PTCD2: variants seen among roughly 807,000 people sequenced by gnomAD.
PTCD2 encodes pentatricopeptide repeat domain 2, also known as pentatricopeptide repeat-containing protein 2, mitochondrial.
In PTCD2, 31 loss-of-function variants were observed where a neutral mutation model predicts 42.6. That is an observed-to-expected ratio of 0.73 (90% CI 0.55 to 0.98). The LOEUF is 0.98. PTCD2 is among the 50% of genes least tolerant of loss of function. PTCD2 has a pLI of 0.00. For missense variants in PTCD2, 476 were observed against 454.8 expected (o/e 1.05, Z -0.42); for synonymous variants, 183 against 170.9 (o/e 1.07, Z -0.55).
chr5:72,326,741 G>A lies in PTCD2; in HGVS notation c.350G>A (p.Arg117Lys). 19 of 1,613,562 alleles carry A rather than the reference G, an allele frequency of 1.2e-5. No individual in the cohort carries two copies. Among genetic ancestry groups the A allele is most frequent in the Non-Finnish European group, 1.5e-5 (18 of 1,179,654 alleles). Residue 117 changes from arginine to lysine, a missense_variant and splice_region_variant, in exon 3 of 10, where the codon AGG becomes AAG. By Grantham distance (26) the Arg-to-Lys change is conservative. Transcript: ENST00000380639. ...HVELAKNVIY[R>K]YHAENKNFTL... is the part of the protein sequence containing the mutation. ...GAACTGGCTAAAAATGTCATTTACA[G>A]GTGAGGCATTTCCTTAGAATGTTGC...
chr5:72,346,872 A>G (rs1392762873), intron 8 of PTCD2, among the ~76,000 whole-genome samples: 1 of 152,208 alleles, frequency 6.6e-6, no homozygotes, highest in African/African-American at 2.4e-5. Flanking sequence ...ATCAGGAAGG[A>G]AAGAAAGGAG....
chr5:72,344,544 C>A (rs1464944991), intron 8 of PTCD2, among the ~76,000 whole-genome samples: 2 of 152,026 alleles, frequency 1.3e-5, no homozygotes, highest in Non-Finnish European at 2.9e-5. Context: ...GAATTGTAAC[C>A]ACCTCTTACT....
At position 72,362,198 on chromosome 5, in the gene PTCD2, C is replaced by T. The variant is rs1753111744; in HGVS notation, c.*3771C>T. The T allele has an allele frequency of 6.6e-6, 1 of 152,208 alleles. No homozygotes were observed. Among genetic ancestry groups the T allele is most frequent in the South Asian group, 2.1e-4 (1 of 4,828 alleles). 9.4% of individuals were successfully genotyped at this position (152,208 alleles called of 1,614,324 possible). ...TCCCCCCAAACTCATATGTTGAACT[C>T]CAAATCCCCAAGGTGTTGGTATTAG... On this transcript the variant is annotated 3_prime_UTR_variant, in exon 10 of 10. Coordinates refer to ENST00000380639, the MANE Select transcript of PTCD2 (RefSeq NM_024754.5).
intron 8 of PTCD2, among the ~76,000 whole-genome samples, chr5:72,347,553 G>A (rs529231687): frequency 3.3e-5 from 5 of 152,260 alleles, no homozygotes; most frequent in Admixed American, 2.0e-4. Flanking sequence ...GAACGTGGTG[G>A]TGTGTGCCTG....
chr5:72,323,993 T>C (rs1475407275), intron 2 of PTCD2, among the ~76,000 whole-genome samples: 2 of 152,150 alleles, frequency 1.3e-5, no homozygotes, highest in Non-Finnish European at 2.9e-5. Context: ...CAATGTTCTC[T>C]CGCTGCTCCG....
rs1753093296 is a variant in PTCD2 at position 72,361,482 on chromosome 5, C to G, written c.*3055C>G. 1 of 152,164 alleles carries G rather than the reference C, an allele frequency of 6.6e-6. No homozygotes were observed. The highest frequency in any genetic ancestry group is 1.5e-5 in the Non-Finnish European group (1 of 68,046). 9.4% of individuals were successfully genotyped at this position (152,164 alleles called of 1,614,324 possible). A position where few individuals can be genotyped will look rare whatever the true frequency, so the allele number is the denominator to read the frequency against. On this transcript the variant is annotated 3_prime_UTR_variant, in exon 10 of 10. Transcript: ENST00000380639. Reference sequence around the variant, plus strand: ...GGCTAGGTACTAGGAGTGACTGTCCCAAGAGGACCAGGCAGAAGCAGTTAC... The same window carrying G: ...GGCTAGGTACTAGGAGTGACTGTCCGAAGAGGACCAGGCAGAAGCAGTTAC...
chr5:72,322,282 G>C lies in PTCD2; in HGVS notation c.220+18G>C, dbSNP rs750586351. The C allele has an allele frequency of 7.2e-7, 1 of 1,383,944 alleles. No individual in the cohort carries two copies. The highest frequency in any genetic ancestry group is 1.0e-6 in the Non-Finnish European group (1 of 973,560). The allele number at this position is 1,383,944 out of a possible 1,614,324, so 85.7% of individuals were successfully genotyped here. On this transcript the variant is annotated intron_variant, in intron 2 of 9. Transcript: ENST00000380639. Reference sequence around the variant, plus strand: ...CACTAAAGGTAATAGAATCTATTTTGTTAATTCTGTCATTTATCTGTCATT... The same window carrying C: ...CACTAAAGGTAATAGAATCTATTTTCTTAATTCTGTCATTTATCTGTCATT...
intron 4 of PTCD2, among the ~76,000 whole-genome samples, chr5:72,334,189 CAATT>C (rs1420437786): frequency 2.6e-5 from 4 of 151,950 alleles, no homozygotes; most frequent in African/African-American, 4.8e-5. Flanking sequence ...TTTTATTTGT[CAATT>C]AAATAAATAC....
intron 1 of PTCD2, chr5:72,320,755 G>A (rs986345639): frequency 1.9e-4 from 98 of 504,562 alleles, no homozygotes; most frequent in Non-Finnish European, 3.0e-4. Flanking sequence ...CCTCAGATGG[G>A]GCGACGTTCG....
At chr5:72,332,803 G>A (rs894285630) in intron 4 of PTCD2, among the ~76,000 whole-genome samples, 1 of 152,082 alleles carries the variant, frequency 6.6e-6, no homozygotes, top group Non-Finnish European at 1.5e-5. Flanking sequence ...TTGCCAGCAT[G>A]GTAGCCACAT....
intron 3 of PTCD2, among the ~76,000 whole-genome samples, chr5:72,329,636 G>C (rs2112141456): frequency 6.6e-6 from 1 of 152,162 alleles, no homozygotes; most frequent in African/African-American, 2.4e-5. Context: ...GTTTTCCTTA[G>C]CATGCCTTAC....
At chr5:72,324,883 A>G (rs944718798) in intron 2 of PTCD2, among the ~76,000 whole-genome samples, 5 of 152,156 alleles carry the variant, frequency 3.3e-5, no homozygotes, top group African/African-American at 1.2e-4. Flanking sequence ...TTTGTTTTAA[A>G]ACACAAGTTA....
chr5:72,364,990 C>G lies in PTCD2; in HGVS notation c.*6563C>G, dbSNP rs989056427. On this transcript the variant is annotated 3_prime_UTR_variant, in exon 10 of 10. Coordinates refer to ENST00000380639, the MANE Select transcript of PTCD2 (RefSeq NM_024754.5). ...AGCGCTGCTGAACTGCTCACCTCCCCGCTTGGCCTGCCTTGCCCAGCTGAC... is the reference window on the plus strand; with the variant it reads ...AGCGCTGCTGAACTGCTCACCTCCCGGCTTGGCCTGCCTTGCCCAGCTGAC... 1 of 152,294 alleles carries G rather than the reference C, an allele frequency of 6.6e-6. No homozygotes were observed. The highest frequency in any genetic ancestry group is 2.4e-5 in the African/African-American group (1 of 41,434). 9.4% of individuals were successfully genotyped at this position (152,294 alleles called of 1,614,324 possible).
At chr5:72,351,546 G>A (rs1164094389) in intron 8 of PTCD2, among the ~76,000 whole-genome samples, 1 of 152,188 alleles carries the variant, frequency 6.6e-6, no homozygotes, top group African/African-American at 2.4e-5. Flanking sequence ...AAGGAAAGAA[G>A]TTTAATTGAC....
At chr5:72,321,345 ATT>A (rs1561372157) in intron 1 of PTCD2, 3 of 152,252 alleles carry the variant, frequency 2.0e-5, no homozygotes. Flanking sequence ...GAGAAGTACC[ATT>A]CTTTTCTCCA....
Position 72,335,936 on chromosome 5 carries a change from G to C in PTCD2, c.639+51G>C, listed in dbSNP as rs754028170. ...AGAGCATTGTGTGTAGTCTTTGAGA[G>C]AGGATTTTTCTTCTCTCTACAAATA... On this transcript the variant is annotated intron_variant, in intron 6 of 9. Coordinates refer to ENST00000380639, the MANE Select transcript of PTCD2 (RefSeq NM_024754.5). 35 of 1,104,430 alleles carry C rather than the reference G, an allele frequency of 3.2e-5. No homozygotes were observed. In the Middle Eastern group the frequency reaches 1.0e-3, roughly 32 times the overall value. 68.4% of individuals were successfully genotyped at this position (1,104,430 alleles called of 1,614,324 possible). A position where few individuals can be genotyped will look rare whatever the true frequency, so the allele number is the denominator to read the frequency against.
chr5:72,357,989 A>G (rs1431141689), intron 9 of PTCD2, among the ~76,000 whole-genome samples: 1 of 152,046 alleles, frequency 6.6e-6, no homozygotes, highest in Non-Finnish European at 1.5e-5. Context: ...TTTTACAGAC[A>G]AAGTCTCACT....
intron 3 of PTCD2, among the ~76,000 whole-genome samples, chr5:72,327,244 C>G (rs1751193940): frequency 6.6e-6 from 1 of 152,178 alleles, no homozygotes; most frequent in Admixed American, 6.5e-5. Flanking sequence ...TTTAATGTCT[C>G]TCACCTAAAT....
At chr5:72,337,166 G>A (rs1169890256) in intron 6 of PTCD2, among the ~76,000 whole-genome samples, 2 of 152,010 alleles carry the variant, frequency 1.3e-5, no homozygotes, top group Admixed American at 6.6e-5. Context: ...CTTTTTTTAT[G>A]AAAAGCTAGA....
Sources: allele counts gnomAD v4.1 joint callset (sites outside exome capture counted in the v4.1 genomes callset), GRCh38; gene constraint gnomAD v4.1.1; transcripts MANE v1.5; gene names NCBI Gene and HGNC (gene_info 2026-07-23, HGNC 2026-07-21).